BLNK: variants seen among roughly 807,000 people sequenced by gnomAD.
BLNK encodes the protein B-cell linker protein.
A neutral mutation model predicts 73.5 loss-of-function variants in BLNK; 29 were observed. That is an observed-to-expected ratio of 0.39 (90% CI 0.29 to 0.54). The LOEUF (loss-of-function observed/expected upper bound fraction) is 0.54, where lower values mean the gene tolerates loss of function less well. Among genes scored for constraint, BLNK ranks in the 20% least tolerant of loss-of-function variants. The pLI is 0.61. For missense variants in BLNK, 460 were observed against 562.8 expected (o/e 0.82, Z 1.85); for synonymous variants, 176 against 200.8 (o/e 0.88, Z 1.04).
intron 13 of BLNK, among the ~76,000 whole-genome samples, chr10:96,202,994 G>A (rs1287262305): frequency 2.0e-5 from 3 of 152,210 alleles, no homozygotes; most frequent in Middle Eastern, 3.4e-3. Context: ...CTGCTGCTGC[G>A]CTGTATTTTT....
intron 13 of BLNK, 194 bp downstream of exon 13, chr10:96,203,863 T>A: frequency 2.3e-6 from 1 of 437,062 alleles, no homozygotes. Context: ...TTGCCTCAAA[T>A]ATATTTACTT....
At chr10:96,215,552 A>G (rs1554899679) in intron 7 of BLNK, among the ~76,000 whole-genome samples, 163 bp from the exon 8 acceptor site, 1 of 152,230 alleles carries the variant, frequency 6.6e-6, no homozygotes. Flanking sequence ...AACCAATAAA[A>G]GAAGTCTTCT....
Position 96,200,731 on chromosome 10 carries a change from T to TGA in BLNK, c.1011+249_1011+250dup, listed in dbSNP as rs1426128584. The stretch of plus-strand genomic sequence containing the variant: ...TTACAAAGTTTAAATAAAATCTATG[T>TGA]GAGAGGAAGAATAATGAAAACACAT... On this transcript the variant is annotated intron_variant, in intron 14 of 16. Coordinates refer to ENST00000224337, the MANE Select transcript of BLNK (RefSeq NM_013314.4). The surrounding 1 kb of genome is among the most constrained non-coding windows in gnomAD (Gnocchi z 4.3). 6.6e-6 allele frequency among the ~76,000 whole-genome samples: 1 copy of TGA among 152,166 alleles called. No homozygotes were observed. Among genetic ancestry groups the TGA allele is most frequent in the African/African-American group, 2.4e-5 (1 of 41,444 alleles).
intron 11 of BLNK, 76 bp downstream of exon 11, chr10:96,206,935 A>G (rs2083827290): frequency 6.9e-7 from 1 of 1,440,262 alleles, no homozygotes; most frequent in African/African-American, 1.4e-5. Flanking sequence ...AAATAATGTA[A>G]TAAATGTGTA....
At chr10:96,209,793 T>G in intron 9 of BLNK, 45 bp downstream of exon 9, 9 of 1,608,306 alleles carry the variant, frequency 5.6e-6, no homozygotes, top group Non-Finnish European at 7.7e-6. Flanking sequence ...ATCACCATCC[T>G]CACTCCCCAG....
intron 10 of BLNK, among the ~76,000 whole-genome samples, 176 bp from the exon 11 acceptor site, chr10:96,207,229 C>T (rs2083838150): frequency 1.3e-5 from 2 of 152,192 alleles, no homozygotes; most frequent in South Asian, 4.1e-4. Context: ...TTGCATTAAG[C>T]AACAAACAGC....
chr10:96,242,284 A>T (rs587756555), intron 3 of BLNK, among the ~76,000 whole-genome samples: 1 of 152,206 alleles, frequency 6.6e-6, no homozygotes, highest in African/African-American at 2.4e-5. Context: ...TTTGCCTTCC[A>T]CTATGATTGT....
At chr10:96,247,524 C>T (rs1253870565) in intron 1 of BLNK, among the ~76,000 whole-genome samples, 1 of 152,166 alleles carries the variant, frequency 6.6e-6, no homozygotes, top group African/African-American at 2.4e-5. Flanking sequence ...TTTGAAACTT[C>T]TGTAGAACAA....
At chr10:96,209,662 G>C (rs1275051786) in intron 9 of BLNK, among the ~76,000 whole-genome samples, 176 bp downstream of exon 9, 1 of 152,194 alleles carries the variant, frequency 6.6e-6, no homozygotes, top group Non-Finnish European at 1.5e-5. Context: ...CAAAGTGCTG[G>C]GATGACAGGC....
chr10:96,248,056 GTCAAGACCCTCCACTGGTAACAATATGTA>G (rs1843122315), intron 1 of BLNK, among the ~76,000 whole-genome samples: 1 of 152,178 alleles, frequency 6.6e-6, no homozygotes, highest in Non-Finnish European at 1.5e-5. Context: ...AAGACTCATA[GTCAAGACCCTCCACTGGTAACAATATGTA>G]TCAAGACCCT....
At chr10:96,240,411 T>C (rs782364239) in intron 3 of BLNK, among the ~76,000 whole-genome samples, 11 of 145,718 alleles carry the variant, frequency 7.5e-5, no homozygotes, top group Non-Finnish European at 1.6e-4. Flanking sequence ...ACTCTATTTT[T>C]ATTTTTCTTA....
At chr10:96,240,272 A>G (rs1842841721) in intron 3 of BLNK, among the ~76,000 whole-genome samples, 1 of 152,194 alleles carries the variant, frequency 6.6e-6, no homozygotes, top group Non-Finnish European at 1.5e-5. Context: ...GGACACACTC[A>G]TGAAACACGT....
intron 4 of BLNK, among the ~76,000 whole-genome samples, chr10:96,228,714 A>G (rs140108354): frequency 1.3e-3 from 191 of 152,310 alleles, no homozygotes; most frequent in African/African-American, 4.3e-3. Context: ...TTTCTTGTGC[A>G]TGTTTTTCAG....
chr10:96,215,211 G>T (rs1213455899), intron 8 of BLNK, 110 bp downstream of exon 8: 2 of 1,233,474 alleles, frequency 1.6e-6, no homozygotes, highest in African/African-American at 3.0e-5. Flanking sequence ...CTGGCCTTCT[G>T]TTCCCAATAT....
chr10:96,256,708 T>C (rs1298924921), intron 1 of BLNK, among the ~76,000 whole-genome samples: 3 of 152,028 alleles, frequency 2.0e-5, no homozygotes, highest in Admixed American at 2.0e-4. Flanking sequence ...TGGTGAAACC[T>C]TTGCTCTACT....
intron 6 of BLNK, among the ~76,000 whole-genome samples, chr10:96,218,994 G>A (rs1024295822): frequency 1.3e-5 from 2 of 152,218 alleles, no homozygotes; most frequent in African/African-American, 2.4e-5. Flanking sequence ...TTTTCTAGAT[G>A]TATGACCTGT....
At chr10:96,264,278 C>T (rs1843888910) in intron 1 of BLNK, among the ~76,000 whole-genome samples, 1 of 152,056 alleles carries the variant, frequency 6.6e-6, no homozygotes, top group Non-Finnish European at 1.5e-5. Context: ...ACAGGGTGTC[C>T]AATGGGAGGC....
Position 96,242,752 on chromosome 10 carries a change from C to T in BLNK, c.146G>A (p.Arg49Gln), listed in dbSNP as rs200876285. The T allele has an allele frequency of 2.2e-5, 36 of 1,614,048 alleles. No individual in the cohort carries two copies. The highest frequency in any genetic ancestry group is 2.1e-4 in the South Asian group (19 of 91,078). ...LKVKAPPSVP[R>Q]RDYASESPAD... is the part of the protein sequence containing the mutation. ...TACCTTACCTGAAGCGTAGTCCCTT[C>T]GAGGAACACTTGGAGGTGCTTTGAC... The change falls in exon 3 of 17, where the codon CGA becomes CAA. Residue 49 changes from arginine to glutamine, a missense_variant. By Grantham distance (43) the Arg-to-Gln change is conservative. Around this residue, in one of 3 missense-constraint regions of BLNK, gnomAD observed 139 missense variants for 187.3 expected, o/e 0.74. Coordinates refer to ENST00000224337, the MANE Select transcript of BLNK (RefSeq NM_013314.4).
intron 1 of BLNK, among the ~76,000 whole-genome samples, chr10:96,270,121 G>A (rs983562960): frequency 2.6e-5 from 4 of 152,160 alleles, no homozygotes; most frequent in Non-Finnish European, 5.9e-5. Flanking sequence ...TCCCGTCAGT[G>A]CTGATCACAC....
Sources: allele counts gnomAD v4.1 joint callset (sites outside exome capture counted in the v4.1 genomes callset), GRCh38; gene constraint gnomAD v4.1.1; regional missense constraint gnomAD v4.1.1; non-coding constraint Gnocchi (gnomAD v3.1); transcripts MANE v1.5; gene names NCBI Gene and HGNC (gene_info 2026-07-23, HGNC 2026-07-21).